Variants in BICD1 observed in about 807,000 individuals in gnomAD.
BICD1 encodes the protein BICD cargo adaptor 1.
A neutral mutation model predicts 92.5 loss-of-function variants in BICD1; 35 were observed. The ratio of observed to expected loss-of-function variants is 0.38; its 90% CI spans 0.29 to 0.50. BICD1 has a LOEUF of 0.50. Ranked by LOEUF, BICD1 falls within the 20% of genes least tolerant of loss-of-function variation. The pLI is 0.93. For missense variants in BICD1, 950 were observed against 1,189.8 expected (o/e 0.80, Z 2.97); for synonymous variants, 429 against 465.1 (o/e 0.92, Z 1.00).
chr12:32,300,426 C>T (rs557661335), intron 3 of BICD1, among the ~76,000 whole-genome samples: 3 of 151,316 alleles, frequency 2.0e-5, no homozygotes, highest in East Asian at 3.9e-4. Context: ...ATTGGACAAC[C>T]TCTGGTCTAG....
rs541981125 is a variant in BICD1 at position 32,111,903 on chromosome 12, T to G, written c.213+4359T>G. On this transcript the variant is annotated intron_variant, in intron 1 of 9. Coordinates refer to ENST00000652176, the MANE Select transcript of BICD1 (RefSeq NM_001714.4). The stretch of plus-strand genomic sequence containing the variant: ...AATCTAAAATACATTAAGATATGCT[T>G]TTGGAAACTGTTTACAAACAACCTC... Among the ~76,000 whole-genome samples the G allele has an allele frequency of 9.9e-4, 151 of 152,298 alleles. 1 individual carries two copies. Among genetic ancestry groups the G allele is most frequent in the Admixed American group, 1.5e-3 (23 of 15,292 alleles).
intron 8 of BICD1, among the ~76,000 whole-genome samples, chr12:32,359,375 C>T (rs75486543): frequency 0.043 from 6,565 of 151,776 alleles, 456 homozygotes; most frequent in African/African-American, 0.15. Context: ...TCCAAGGTCA[C>T]GGTGAGAGCC....
intron 1 of BICD1, among the ~76,000 whole-genome samples, chr12:32,189,983 G>A (rs914604910): frequency 2.0e-5 from 3 of 152,162 alleles, no homozygotes; most frequent in African/African-American, 4.8e-5. Flanking sequence ...ACAGGCGTGA[G>A]CCACCGCACC....
At chr12:32,339,901 C>T (rs980156701) in intron 8 of BICD1, 25 of 907,748 alleles carry the variant, frequency 2.8e-5, no homozygotes, top group Middle Eastern at 1.1e-3. Flanking sequence ...GAATATCTGG[C>T]AGCCCTAGGT....
At chr12:32,267,483 T>C (rs1054049324) in intron 2 of BICD1, among the ~76,000 whole-genome samples, 3 of 152,210 alleles carry the variant, frequency 2.0e-5, no homozygotes, top group African/African-American at 7.2e-5. Context: ...TATAAATCTT[T>C]GTCAATTAGT....
chr12:32,115,951 C>T (rs747070288), intron 1 of BICD1, among the ~76,000 whole-genome samples: 12 of 152,152 alleles, frequency 7.9e-5, no homozygotes, highest in Admixed American at 2.6e-4. Flanking sequence ...TCTTTGCCCT[C>T]TGAAAGCTGA....
rs1940205331 is a variant in BICD1 at position 32,382,215 on chromosome 12, CAT to C, written c.*4589_*4590del. The C allele has an allele frequency of 1.3e-5, 2 of 152,066 alleles. No individual in the cohort carries two copies. Among genetic ancestry groups the C allele is most frequent in the African/African-American group, 4.8e-5 (2 of 41,444 alleles). The allele number at this position is 152,066 out of a possible 1,614,324, so 9.4% of individuals were successfully genotyped here. ...TTACAGCTGAAAGATTTCATCTAGACATGTCTTTCGTCCTTATTATTCAAAGT... is the reference window on the plus strand; with the variant it reads ...TTACAGCTGAAAGATTTCATCTAGACGTCTTTCGTCCTTATTATTCAAAGT... On this transcript the variant is annotated 3_prime_UTR_variant, in exon 10 of 10. Transcript: ENST00000652176.
In BICD1 at chr12:32,160,917, A is replaced by G. The variant is rs142755550; in HGVS notation, c.213+53373A>G. 1.2e-3 allele frequency among the ~76,000 whole-genome samples: 190 copies of G among 152,354 alleles called. 1 individual carries two copies. Among genetic ancestry groups the G allele is most frequent in the African/African-American group, 4.4e-3 (184 of 41,582 alleles). ...TATCTAAATTTGCTTTATGTGCAGC[A>G]AGACTATGATATAACCTTGTAAATA... On this transcript the variant is annotated intron_variant, in intron 1 of 9. Transcript: ENST00000652176.
At chr12:32,302,924 T>C (rs1305600281) in intron 3 of BICD1, among the ~76,000 whole-genome samples, 6 of 137,888 alleles carry the variant, frequency 4.4e-5, no homozygotes, top group African/African-American at 1.1e-4. Context: ...TTGTACATAA[T>C]GTATTTCTTT....
intron 1 of BICD1, among the ~76,000 whole-genome samples, chr12:32,167,319 T>A (rs1362219546): frequency 6.6e-6 from 1 of 152,258 alleles, no homozygotes; most frequent in East Asian, 1.9e-4. Context: ...AAAGCAATGA[T>A]GCATTTATGA....
At chr12:32,277,162 G>A (rs1172814956) in intron 2 of BICD1, among the ~76,000 whole-genome samples, 2 of 152,198 alleles carry the variant, frequency 1.3e-5, no homozygotes, top group African/African-American at 2.4e-5. Context: ...GGGAGGCCGA[G>A]GGAGGTGGAT....
intron 8 of BICD1, among the ~76,000 whole-genome samples, chr12:32,355,904 G>A (rs566394703): frequency 6.6e-6 from 1 of 152,250 alleles, no homozygotes; most frequent in African/African-American, 2.4e-5. Flanking sequence ...AATAATGACT[G>A]AAATTTGACT....
At chr12:32,125,176 A>G (rs79149137) in intron 1 of BICD1, among the ~76,000 whole-genome samples, 16,582 of 152,072 alleles carry the variant, frequency 0.11, 1,200 homozygotes, top group African/African-American at 0.2. Context: ...GCTGCTCCCA[A>G]TGTCCCTGAT....
At chr12:32,166,980 A>G (rs180701853) in intron 1 of BICD1, among the ~76,000 whole-genome samples, 2 of 152,344 alleles carry the variant, frequency 1.3e-5, no homozygotes, top group African/African-American at 4.8e-5. Flanking sequence ...TTGAAAAGAT[A>G]CACACACAAT....
intron 2 of BICD1, among the ~76,000 whole-genome samples, chr12:32,236,400 A>G (rs11051865): frequency 7.0e-6 from 1 of 142,610 alleles, no homozygotes; most frequent in Non-Finnish European, 1.6e-5. Flanking sequence ...ATCTCAAATA[A>G]TAATAATAAT....
intron 1 of BICD1, among the ~76,000 whole-genome samples, chr12:32,140,947 C>T (rs551839503): frequency 6.6e-6 from 1 of 152,282 alleles, no homozygotes; most frequent in African/African-American, 2.4e-5. Flanking sequence ...TTGAAATCTT[C>T]CGTAGAACGT....
At chr12:32,135,305 C>T (rs1408382037) in intron 1 of BICD1, among the ~76,000 whole-genome samples, 2 of 148,092 alleles carry the variant, frequency 1.4e-5, no homozygotes, top group Admixed American at 6.8e-5. Context: ...CCAGGCTGGT[C>T]TTGAACTTGT....
At chr12:32,339,108 C>T (rs772257941) in intron 8 of BICD1, 129 bp downstream of exon 8, 182 of 1,352,444 alleles carry the variant, frequency 1.3e-4, no homozygotes, top group Non-Finnish European at 1.7e-4. Context: ...TCCTATAAGT[C>T]AAGTAAAAAC....
chr12:32,248,411 T>G (rs1276540452), intron 2 of BICD1, among the ~76,000 whole-genome samples: 1 of 152,072 alleles, frequency 6.6e-6, no homozygotes, highest in Non-Finnish European at 1.5e-5. Context: ...TTATTTTCAT[T>G]TTGTTTTGTT....
Sources: allele counts gnomAD v4.1 joint callset (sites outside exome capture counted in the v4.1 genomes callset), GRCh38; gene constraint gnomAD v4.1.1; transcripts MANE v1.5; gene names NCBI Gene and HGNC (gene_info 2026-07-23, HGNC 2026-07-21).